POM121C: variants seen among roughly 807,000 people sequenced by gnomAD.
The protein encoded by POM121C is POM121 transmembrane nucleoporin C.
In POM121C, 20 loss-of-function variants were observed where a neutral mutation model predicts 66.4. The ratio of observed to expected loss-of-function variants is 0.30; its 90% CI spans 0.21 to 0.44. The LOEUF is 0.44. Ranked by LOEUF, POM121C falls within the 20% of genes least tolerant of loss-of-function variation. POM121C has a pLI of 1.00. For synonymous variants in POM121C, 286 were observed against 528.0 expected, an observed-to-expected ratio of 0.54 and a Z score of 6.28; for missense variants, 580 against 1,225.7, an observed-to-expected ratio of 0.47 and a Z score of 7.87.
intron 4 of POM121C, 113 bp from the exon 5 acceptor site, chr7:75,441,228 A>C: frequency 6.7e-7 from 1 of 1,498,350 alleles, no homozygotes; most frequent in Non-Finnish European, 9.1e-7. Context: ...CACTCACAAC[A>C]GTTCCCCTTA....
intron 12 of POM121C, among the ~76,000 whole-genome samples, chr7:75,423,813 G>A (rs1287358361): frequency 1.3e-5 from 2 of 152,030 alleles, no homozygotes; most frequent in South Asian, 2.1e-4. Context: ...TGAGGAAGGC[G>A]AGGCTCAGGG....
At chr7:75,474,650 C>T in intron 3 of POM121C, 54 bp downstream of exon 3, 1 of 739,624 alleles carries the variant, frequency 1.4e-6, no homozygotes, top group Non-Finnish European at 2.3e-6. Context: ...TCTTTAGTCA[C>T]TCCCAAAGGT....
intron 5 of POM121C, among the ~76,000 whole-genome samples, chr7:75,439,479 G>A (rs1196226866): frequency 2.6e-5 from 4 of 152,072 alleles, no homozygotes; most frequent in Admixed American, 6.6e-5. Flanking sequence ...TCTGCCTCCC[G>A]GGTTCAACCA....
At chr7:75,483,007 G>A (rs1792367980) in intron 1 of POM121C, among the ~76,000 whole-genome samples, 1 of 152,134 alleles carries the variant, frequency 6.6e-6, no homozygotes, top group Non-Finnish European at 1.5e-5. Context: ...GTAACTGTTT[G>A]TATTGTTTGC....
intron 6 of POM121C, 71 bp from the exon 7 acceptor site, chr7:75,437,757 G>T (rs1188575247): frequency 6.7e-7 from 1 of 1,490,124 alleles, no homozygotes; most frequent in South Asian, 1.4e-5. Context: ...CCACGGTCAT[G>T]ACATCTTTCT....
chr7:75,424,813 A>G (rs781964148), intron 10 of POM121C, 185 bp from the exon 11 acceptor site: 2 of 1,193,458 alleles, frequency 1.7e-6, no homozygotes, highest in African/African-American at 1.5e-5. Flanking sequence ...ACAAAAAATT[A>G]GTCAGGCGTG....
chr7:75,430,926 A>G (rs1790146759), intron 7 of POM121C, among the ~76,000 whole-genome samples: 1 of 151,910 alleles, frequency 6.6e-6, no homozygotes, highest in Non-Finnish European at 1.5e-5. Context: ...AATACAAAAA[A>G]TTAGCTGGGT....
intron 5 of POM121C, among the ~76,000 whole-genome samples, chr7:75,440,203 T>C (rs1790581595): frequency 6.6e-6 from 1 of 152,042 alleles, no homozygotes; most frequent in Admixed American, 6.5e-5. Context: ...TTAATCTCAT[T>C]ATTGATAAAA....
chr7:75,485,511 G>T (rs116357291), intron 1 of POM121C, among the ~76,000 whole-genome samples: 6 of 152,068 alleles, frequency 3.9e-5, no homozygotes, highest in African/African-American at 7.2e-5. Flanking sequence ...CAGGTCTAAG[G>T]GGGGGGATCA....
At chr7:75,478,456 A>G (rs1792177820) in intron 1 of POM121C, among the ~76,000 whole-genome samples, 1 of 150,960 alleles carries the variant, frequency 6.6e-6, no homozygotes, top group Non-Finnish European at 1.5e-5. Flanking sequence ...ATTACAACCC[A>G]TAAGGAAGAA....
intron 7 of POM121C, among the ~76,000 whole-genome samples, chr7:75,431,074 C>CCAA (rs1554472281): frequency 3.3e-5 from 2 of 59,716 alleles, no homozygotes; most frequent in African/African-American, 1.3e-4. Flanking sequence ...GACTCTGTCT[C>CCAA]AAAAAAAAAA....
chr7:75,468,126 T>TAAA (rs368723160), intron 3 of POM121C, among the ~76,000 whole-genome samples: 9 of 64,346 alleles, frequency 1.4e-4, no homozygotes, highest in African/African-American at 2.0e-4. Flanking sequence ...AGACTCTGTC[T>TAAA]AAAAAAAAAA....
At chr7:75,477,948 T>A (rs183457429) in intron 1 of POM121C, among the ~76,000 whole-genome samples, 3 of 152,076 alleles carry the variant, frequency 2.0e-5, no homozygotes, top group Admixed American at 2.0e-4. Context: ...AAGCAATGAT[T>A]TGTTTTTTTG....
At chr7:75,481,818 A>G (rs1792320516) in intron 1 of POM121C, among the ~76,000 whole-genome samples, 1 of 152,156 alleles carries the variant, frequency 6.6e-6, no homozygotes, top group Admixed American at 6.5e-5. Flanking sequence ...TCTGTCTCCA[A>G]AAAAAGAAAA....
intron 3 of POM121C, chr7:75,442,761 G>A: frequency 7.6e-7 from 1 of 1,309,512 alleles, no homozygotes; most frequent in Non-Finnish European, 9.7e-7. Flanking sequence ...ATCCCAGCGT[G>A]CACCGCGCCA....
intron 1 of POM121C, among the ~76,000 whole-genome samples, chr7:75,476,068 T>A (rs1320181535): frequency 2.0e-5 from 3 of 152,112 alleles, no homozygotes; most frequent in Admixed American, 2.0e-4. Context: ...TCGTTTGAGC[T>A]CAGGAGTTCG....
chr7:75,474,254 C>G (rs1467495007), intron 3 of POM121C, among the ~76,000 whole-genome samples: 2 of 152,032 alleles, frequency 1.3e-5, no homozygotes, highest in South Asian at 4.2e-4. Flanking sequence ...ATTAGCCAGG[C>G]TTGGTGGCAT....
At chr7:75,452,198 C>T (rs587770736) in intron 3 of POM121C, among the ~76,000 whole-genome samples, 2 of 151,874 alleles carry the variant, frequency 1.3e-5, no homozygotes, top group South Asian at 4.2e-4. Flanking sequence ...TGGCTCACAC[C>T]TGTAATCCCA....
In POM121C at chr7:75,421,840, A is replaced by G. The variant is rs782667297; in HGVS notation, c.2412T>C (p.Gly804=). The part of the protein sequence containing the change: ...FGGSTAVFSF[G]AATSSGFGAT... The stretch of plus-strand genomic sequence containing the variant: ...CTCCAAAGCCGGAGCTGGTGGCTGC[A>G]CCGAAGGAGAAGACAGCAGTGGAGC... Residue 804 remains glycine, a synonymous_variant, in exon 13 of 15, where the codon GGT becomes GGC. Transcript: ENST00000615331. 6.7e-5 allele frequency: 108 copies of G among 1,610,256 alleles called. No homozygotes were observed. The highest frequency in any genetic ancestry group is 9.0e-5 in the Non-Finnish European group (106 of 1,179,076).
Sources: allele counts gnomAD v4.1 joint callset (sites outside exome capture counted in the v4.1 genomes callset), GRCh38; gene constraint gnomAD v4.1.1; transcripts MANE v1.5; gene names NCBI Gene and HGNC (gene_info 2026-07-23, HGNC 2026-07-21).